NEBL: variants seen among roughly 807,000 people sequenced by gnomAD.
The protein encoded by NEBL is LIM and SH3 protein 2.
In NEBL, 122 loss-of-function variants were observed where a neutral mutation model predicts 140.2. The observed-to-expected ratio is 0.87, with a 90% CI of 0.75 to 1.01. NEBL has a LOEUF of 1.01. NEBL is among the 50% of genes least tolerant of loss of function. NEBL has a pLI of 0.00. For synonymous variants in NEBL, 436 were observed against 398.9 expected, an observed-to-expected ratio of 1.09 and a Z score of -1.11; for missense variants, 1,365 against 1,231.3, an observed-to-expected ratio of 1.11 and a Z score of -1.62.
chr10:21,026,303 A>C (rs78608854), intron 2 of NEBL, among the ~76,000 whole-genome samples: 6,825 of 146,612 alleles, frequency 0.047, 519 homozygotes, highest in African/African-American at 0.16. Context: ...AGGAGGCCAG[A>C]AATGAGGCTA....
In NEBL at chr10:21,232,192, AG is replaced by A. The variant is rs964435676; in HGVS notation, n.348+15728del. Among the ~76,000 whole-genome samples the A allele has an allele frequency of 3.3e-5, 5 of 152,012 alleles. No individual in the cohort carries two copies. The South Asian group carries it at 8.3e-4, about 25-fold the overall frequency. On this transcript the variant is annotated intron_variant and non_coding_transcript_variant, in intron 3 of 8. Transcript: ENST00000675702. ...AGCAGGAGGAGGCAAGAAGAAGCAT[AG>A]GAAACAAGGTTAGAGAGCAAAGTAG... is the stretch of plus-strand genomic sequence containing the variant.
At chr10:21,140,769 C>T (rs1839590347) in intron 2 of NEBL, among the ~76,000 whole-genome samples, 1 of 151,924 alleles carries the variant, frequency 6.6e-6, no homozygotes, top group Non-Finnish European at 1.5e-5. Flanking sequence ...GAGAGGGGAA[C>T]ATCACACATG....
intron 5 of NEBL, among the ~76,000 whole-genome samples, chr10:20,877,367 A>G (rs1026811700): frequency 3.3e-5 from 5 of 152,204 alleles, no homozygotes; most frequent in Non-Finnish European, 5.9e-5. Context: ...TCTGACTCCA[A>G]ATTCCTTTCC....
intron 3 of NEBL, among the ~76,000 whole-genome samples, chr10:20,969,422 C>T (rs550968656): frequency 3.3e-5 from 5 of 150,064 alleles, no homozygotes; most frequent in African/African-American, 1.2e-4. Context: ...GTCAGTTTTC[C>T]ATGTATATTC....
intron 26 of NEBL, chr10:20,793,302 G>A: frequency 4.3e-6 from 4 of 925,126 alleles, no homozygotes; most frequent in Non-Finnish European, 5.2e-6. Flanking sequence ...TCAAGCTTTG[G>A]GAATCATTTA....
intron 2 of NEBL, among the ~76,000 whole-genome samples, chr10:21,250,241 T>G (rs1004677695): frequency 6.6e-6 from 1 of 152,200 alleles, no homozygotes; most frequent in African/African-American, 2.4e-5. Context: ...TTAATCTGAG[T>G]GGGCACCATC....
At chr10:21,145,223 G>A (rs985344415) in intron 2 of NEBL, among the ~76,000 whole-genome samples, 10 of 152,172 alleles carry the variant, frequency 6.6e-5, no homozygotes, top group Non-Finnish European at 2.9e-5. Flanking sequence ...GTGTTTGATA[G>A]TGGCCAACAA....
intron 3 of NEBL, among the ~76,000 whole-genome samples, chr10:21,200,606 G>GC (rs1841720129): frequency 6.6e-6 from 1 of 152,092 alleles, no homozygotes; most frequent in African/African-American, 2.4e-5. Context: ...GAGCCACCGC[G>GC]CCCAACCCCA....
intron 4 of NEBL, among the ~76,000 whole-genome samples, chr10:20,911,528 CACA>C (rs1376204707): frequency 6.6e-6 from 1 of 152,182 alleles, no homozygotes; most frequent in Non-Finnish European, 1.5e-5. Context: ...TACTACCATA[CACA>C]TCAAAATATT....
At chr10:20,828,689 AGAGG>A in intron 16 of NEBL, 55 bp from the exon 17 acceptor site, 78 of 1,170,374 alleles carry the variant, frequency 6.7e-5, no homozygotes, top group Non-Finnish European at 7.1e-5. Context: ...CGCACATGTG[AGAGG>A]GAGGGAGGGA....
At position 20,909,194 on chromosome 10, in the gene NEBL, T is replaced by A. The variant is rs568016441; in HGVS notation, c.357+52478A>T. On this transcript the variant is annotated intron_variant, in intron 4 of 6. Transcript: ENST00000417816. ...CATTATTTTAAAATATACAATTAAG[T>A]TATTATTGACAGTCACCCTGTTGCT... Among the ~76,000 whole-genome samples the A allele has an allele frequency of 2.0e-5, 3 of 152,048 alleles. No homozygotes were observed. The South Asian group carries it at 6.2e-4, about 32-fold the overall frequency.
chr10:21,189,626 A>G (rs144698310), intron 3 of NEBL, among the ~76,000 whole-genome samples: 5 of 150,482 alleles, frequency 3.3e-5, no homozygotes, highest in African/African-American at 1.2e-4. Flanking sequence ...CACCGCGCCC[A>G]GCTAATTTTT....
chr10:20,961,094 C>G (rs1433047820), intron 4 of NEBL, among the ~76,000 whole-genome samples: 1 of 152,144 alleles, frequency 6.6e-6, no homozygotes, highest in Non-Finnish European at 1.5e-5. Flanking sequence ...GTTTATCCAC[C>G]TTTAATAAGT....
In NEBL at chr10:21,173,849, GGGC is replaced by G. The variant is rs769094570; in HGVS notation, c.-19_-17del. ...GGGGGTTCATGATCGCGGTTCCCGG[GGGC>G]GGCGGCGGCGGCGGCTGCTGGCTCC... On this transcript the variant is annotated 5_prime_UTR_variant, in exon 1 of 7. Coordinates refer to the NEBL transcript ENST00000417816. The surrounding 1 kb of genome is among the most constrained non-coding windows in gnomAD (Gnocchi z 5.7). 2.3e-5 allele frequency: 37 copies of G among 1,608,334 alleles called. No individual in the cohort carries two copies. The highest frequency in any genetic ancestry group is 2.2e-5 in the South Asian group (2 of 90,946).
At chr10:21,060,973 T>C (rs1241061590) in intron 2 of NEBL, among the ~76,000 whole-genome samples, 2 of 152,176 alleles carry the variant, frequency 1.3e-5, no homozygotes, top group Non-Finnish European at 2.9e-5. Context: ...AGGGTTGAAC[T>C]GTGCCCCCGA....
chr10:21,220,878 G>C (rs1436348769), intron 3 of NEBL, among the ~76,000 whole-genome samples: 1 of 152,190 alleles, frequency 6.6e-6, no homozygotes, highest in Non-Finnish European at 1.5e-5. Flanking sequence ...ACATACAGTT[G>C]GGCATGGCGG....
chr10:20,858,664 T>C (rs2131136143), intron 8 of NEBL, among the ~76,000 whole-genome samples: 1 of 152,340 alleles, frequency 6.6e-6, no homozygotes, highest in East Asian at 1.9e-4. Context: ...CTTTAGAAAT[T>C]ACTACAGTAT....
chr10:20,805,494 GA>G (rs527615374), intron 26 of NEBL, among the ~76,000 whole-genome samples: 36 of 152,208 alleles, frequency 2.4e-4, no homozygotes, highest in African/African-American at 8.7e-4. Flanking sequence ...TGTCCCTAAA[GA>G]CAGAGCATCT....
At chr10:20,922,577 T>C (rs1337229252) in intron 4 of NEBL, among the ~76,000 whole-genome samples, 1 of 152,220 alleles carries the variant, frequency 6.6e-6, no homozygotes, top group Non-Finnish European at 1.5e-5. Flanking sequence ...GGGCATTTTG[T>C]TCTATTTCTG....
Sources: gnomAD v4.1 joint callset for allele counts (sites outside exome capture counted in the v4.1 genomes callset) on GRCh38, gnomAD v4.1.1 for gene constraint, Gnocchi (gnomAD v3.1) non-coding constraint, MANE v1.5 for transcripts, NCBI Gene and HGNC (gene_info 2026-07-23, HGNC 2026-07-21) for gene names.